GOSR2: variants seen among roughly 807,000 people sequenced by gnomAD.
The protein encoded by GOSR2 is golgi SNAP receptor complex member 2.
GOSR2 carries 20 observed loss-of-function variants against 27.9 expected under a neutral mutation model. That is an observed-to-expected ratio of 0.72 (90% confidence interval 0.50 to 1.04). The LOEUF is 1.04. GOSR2 is among the 50% of genes least tolerant of loss of function. The pLI, the probability that GOSR2 is intolerant of heterozygous loss-of-function variation, is 0.00. For synonymous variants in GOSR2, 91 were observed against 98.8 expected (o/e 0.92, Z 0.47); for missense variants, 261 against 270.5 (o/e 0.97, Z 0.25).
chr17:46,961,657 TTA>T (rs1248130692), intron 6 of GOSR2, among the ~76,000 whole-genome samples: 1 of 152,188 alleles, frequency 6.6e-6, no homozygotes, highest in Non-Finnish European at 1.5e-5. Context: ...TGTAAAAAGA[TTA>T]TATTTTTTAA....
intron 6 of GOSR2, chr17:46,955,575 A>G (rs1018653426): frequency 6.6e-6 from 1 of 152,180 alleles, no homozygotes; most frequent in African/African-American, 2.4e-5. Context: ...TACACTTATT[A>G]AGGAAAAACT....
rs551378113 is a variant in GOSR2 at position 46,952,003 on chromosome 17, C to T, written c.583+13299C>T. Among the ~76,000 whole-genome samples, 7 of 152,272 alleles carry T rather than the reference C, an allele frequency of 4.6e-5. No homozygotes were observed. In the East Asian group the frequency reaches 1.3e-3, roughly 29 times the overall value. ...CCTCTCAGAGTGGCTATATTTGGTT[C>T]CTGCAATATAACTTCGTATATATTG... On this transcript the variant is annotated intron_variant, in intron 6 of 6. Coordinates refer to the GOSR2 transcript ENST00000573224.
In GOSR2 at chr17:46,940,981, C is replaced by T; in HGVS notation, c.*2221C>T. On this transcript the variant is annotated 3_prime_UTR_variant, in exon 6 of 6. Coordinates refer to ENST00000640051, the MANE Select transcript of GOSR2 (RefSeq NM_004287.5). The stretch of plus-strand genomic sequence containing the variant: ...CACCGCCTCAGTGTAGGGAAGGGTC[C>T]AGGCCAGGGAAGGAGCACCCTCTAG... 8.4e-7 allele frequency: 1 copy of T among 1,192,268 alleles called. No individual in the cohort carries two copies. The highest frequency in any genetic ancestry group is 1.1e-6 in the Non-Finnish European group (1 of 948,812). 73.9% of individuals were successfully genotyped at this position (1,192,268 alleles called of 1,614,324 possible).
chr17:46,967,903 GT>G (rs1367978494), downstream of GOSR2, among the ~76,000 whole-genome samples: 2 of 152,210 alleles, frequency 1.3e-5, no homozygotes, highest in African/African-American at 4.8e-5. Flanking sequence ...AAGCAGGGAG[GT>G]GGCCAAGAGG....
chr17:46,936,570 C>T (rs1426436308), intron 5 of GOSR2: 1 of 985,374 alleles, frequency 1.0e-6, no homozygotes, highest in Non-Finnish European at 1.2e-6. Context: ...TCAAAAGGAA[C>T]ATAGGAGAGG....
At chr17:46,936,530 G>A in intron 5 of GOSR2, 1 of 985,524 alleles carries the variant, frequency 1.0e-6, no homozygotes, top group South Asian at 4.7e-5. Context: ...CTCACACCCT[G>A]CCTCCGTCGG....
intron 6 of GOSR2, among the ~76,000 whole-genome samples, chr17:46,953,817 C>G (rs2090537221): frequency 2.0e-5 from 3 of 152,168 alleles, no homozygotes; most frequent in East Asian, 1.9e-4. Flanking sequence ...TCATGTGTTT[C>G]TTGGCTGCAT....
chr17:46,949,850 G>A (rs1202619882), intron 6 of GOSR2, among the ~76,000 whole-genome samples: 1 of 152,204 alleles, frequency 6.6e-6, no homozygotes, highest in Non-Finnish European at 1.5e-5. Flanking sequence ...TGTGGCTGGA[G>A]CTCAGGCTTC....
intron 6 of GOSR2, among the ~76,000 whole-genome samples, chr17:46,961,499 C>T (rs1405559679): frequency 2.6e-5 from 4 of 152,080 alleles, no homozygotes; most frequent in Non-Finnish European, 2.9e-5. Flanking sequence ...CACGCCATTG[C>T]ACTCCAGCCT....
chr17:46,938,667 C>T lies in GOSR2; in HGVS notation c.546C>T (p.Ile182=), dbSNP rs1023140976. The change falls in exon 6 of 6, where the codon ATC becomes ATT. Residue 182 remains isoleucine (I), a synonymous_variant. Coordinates refer to ENST00000640051, the MANE Select transcript of GOSR2 (RefSeq NM_004287.5). ...LGLSNTVMRL[I]EKRAFQDKYF... Reference sequence around the variant, plus strand: ...TGTCCAACACAGTGATGCGGCTCATCGAGAAGCGGGCTTTCCAGGACAAGT... The same window carrying T: ...TGTCCAACACAGTGATGCGGCTCATTGAGAAGCGGGCTTTCCAGGACAAGT... 9.3e-6 allele frequency: 15 copies of T among 1,613,920 alleles called. No individual in the cohort carries two copies. Among genetic ancestry groups the T allele is most frequent in the African/African-American group, 4.0e-5 (3 of 74,882 alleles).
chr17:46,942,689 C>T (rs2089435416), downstream of GOSR2, among the ~76,000 whole-genome samples: 1 of 152,232 alleles, frequency 6.6e-6, no homozygotes, highest in African/African-American at 2.4e-5. Flanking sequence ...TGAAAGCTGT[C>T]CTCAGGCCTT....
At chr17:46,935,199 G>C in intron 5 of GOSR2, 30 bp downstream of exon 5, 1 of 1,613,070 alleles carries the variant, frequency 6.2e-7, no homozygotes, top group Non-Finnish European at 8.5e-7. Context: ...ACAGAGAGAA[G>C]GCCTCTTGTT....
At position 46,940,605 on chromosome 17, in the gene GOSR2, A is replaced by C. The variant is rs765974207; in HGVS notation, c.*1845A>C. On this transcript the variant is annotated 3_prime_UTR_variant, in exon 6 of 6. Coordinates refer to ENST00000640051, the MANE Select transcript of GOSR2 (RefSeq NM_004287.5). Reference sequence around the variant, plus strand: ...ACACTTTGGAGGAAGGTCTGCAGGGAGCAGCTGAGCCATTTGTTCTTGAAC... The same window carrying C: ...ACACTTTGGAGGAAGGTCTGCAGGGCGCAGCTGAGCCATTTGTTCTTGAAC... The C allele has an allele frequency of 4.3e-6, 7 of 1,614,018 alleles. No individual in the cohort carries two copies. Among genetic ancestry groups the C allele is most frequent in the African/African-American group, 4.0e-5 (3 of 74,904 alleles).
At chr17:46,942,539 TGTGCAGGGGACTGAGATG>T (rs1390272222), downstream of GOSR2, among the ~76,000 whole-genome samples, 2 of 152,066 alleles carry the variant, frequency 1.3e-5, no homozygotes, top group Non-Finnish European at 2.9e-5. Flanking sequence ...GATTGAGAGG[TGTGCAGGGGACTGAGATG>T]GTGCAGCCTG....
chr17:46,973,326 CTTTTT>C (rs1255725012), intron 6 of GOSR2, among the ~76,000 whole-genome samples: 2 of 151,786 alleles, frequency 1.3e-5, no homozygotes, highest in Non-Finnish European at 2.9e-5. Flanking sequence ...TTTTTCTTTT[CTTTTT>C]TCTTTTTTGC....
downstream of GOSR2, among the ~76,000 whole-genome samples, chr17:46,971,240 G>A (rs1232335937): frequency 2.0e-5 from 3 of 152,124 alleles, no homozygotes; most frequent in African/African-American, 7.2e-5. Context: ...GGGAGGCTGA[G>A]GGAGGAGAAT....
At position 46,954,614 on chromosome 17, in the gene GOSR2, G is replaced by A. The variant is rs188393458; in HGVS notation, c.584-11920G>A. Among the ~76,000 whole-genome samples, 378 of 152,242 alleles carry A rather than the reference G, an allele frequency of 2.5e-3. 2 individuals carry two copies. The Middle Eastern group carries it at 0.038, about 15-fold the overall frequency. The stretch of plus-strand genomic sequence containing the variant: ...GACATTGAATCTATAAATTACCTTG[G>A]TCAGTATGGCCAGTTTCATGATATT... On this transcript the variant is annotated intron_variant, in intron 6 of 6. Transcript: ENST00000573224.
intron 6 of GOSR2, among the ~76,000 whole-genome samples, chr17:46,957,245 C>A (rs191110540): frequency 1.3e-5 from 2 of 152,274 alleles, no homozygotes; most frequent in East Asian, 3.9e-4. Context: ...GTGGAGGTTG[C>A]AGTGAGCTGA....
At chr17:46,958,517 G>T (rs1262961714) in intron 6 of GOSR2, among the ~76,000 whole-genome samples, 2 of 152,234 alleles carry the variant, frequency 1.3e-5, no homozygotes, top group Non-Finnish European at 2.9e-5. Flanking sequence ...GCCACTGGAA[G>T]TAGGATCTGG....
Sources: gnomAD v4.1 joint callset for allele counts (sites outside exome capture counted in the v4.1 genomes callset) on GRCh38, gnomAD v4.1.1 for gene constraint, MANE v1.5 for transcripts, NCBI Gene and HGNC (gene_info 2026-07-23, HGNC 2026-07-21) for gene names.